POLR3H: variants seen among roughly 807,000 people sequenced by gnomAD.
POLR3H encodes the protein DNA-directed RNA polymerase III subunit RPC8.
Under a neutral mutation model 25.5 loss-of-function variants are expected in POLR3H, and 17 were observed. The ratio of observed to expected loss-of-function variants is 0.67; its 90% confidence interval spans 0.46 to 1.00. The LOEUF is 1.00. Among genes scored for constraint, POLR3H ranks in the 50% least tolerant of loss-of-function variants. The pLI is 0.00. For synonymous variants in POLR3H, 129 were observed against 103.0 expected (o/e 1.25, Z -1.53); for missense variants, 274 against 265.0 (o/e 1.03, Z -0.24).
rs904873544 is a variant in POLR3H at position 41,540,427 on chromosome 22, G to A, written c.208+272C>T. The A allele has an allele frequency of 2.0e-5, 9 of 459,930 alleles. 1 individual carries two copies. Among genetic ancestry groups the A allele is most frequent in the South Asian group, 1.6e-4 (8 of 48,600 alleles). The allele number at this position is 459,930 out of a possible 1,614,324, so 28.5% of individuals were successfully genotyped here. A position where few individuals can be genotyped will look rare whatever the true frequency, so the allele number is the denominator to read the frequency against. On this transcript the variant is annotated intron_variant, in intron 2 of 5. Transcript: ENST00000355209. ...GGTCAATTCCTGGCCGATTCAGGAT[G>A]AGGCCCCACGTCTCCCAGCCTCCAG... is the stretch of plus-strand genomic sequence containing the variant.
At chr22:41,542,433 G>A (rs1305895541) in intron 1 of POLR3H, among the ~76,000 whole-genome samples, 1 of 151,796 alleles carries the variant, frequency 6.6e-6, no homozygotes, top group East Asian at 1.9e-4. Flanking sequence ...CTGCCTTCAG[G>A]GCTCTTCTCT....
In POLR3H at chr22:41,529,117, G is replaced by GC; in HGVS notation, c.*165dup. ...ATCACTGCAGTGAAGGAGGAGCAGG[G>GC]CCTAGATGGTGGAGGAGCGGGGCAA... On this transcript the variant is annotated 3_prime_UTR_variant, in exon 6 of 6. Transcript: ENST00000355209. 1.6e-6 allele frequency: 1 copy of GC among 620,716 alleles called. No individual in the cohort carries two copies. The highest frequency in any genetic ancestry group is 2.8e-6 in the Non-Finnish European group (1 of 350,888). The allele number at this position is 620,716 out of a possible 1,614,324, so 38.5% of individuals were successfully genotyped here. A position where few individuals can be genotyped will look rare whatever the true frequency, so the allele number is the denominator to read the frequency against.
chr22:41,526,603 G>A lies in POLR3H; in HGVS notation c.*2680C>T. On this transcript the variant is annotated 3_prime_UTR_variant, in exon 6 of 6. Coordinates refer to ENST00000355209, the MANE Select transcript of POLR3H (RefSeq NM_001018050.4). The stretch of plus-strand genomic sequence containing the variant: ...CTGTGGAAGGGAGGAGAGGCCTGCA[G>A]CCCCTCCCTGTGGCTGAGAAGGCAT... 1 of 816,218 alleles carries A rather than the reference G, an allele frequency of 1.2e-6. No individual in the cohort carries two copies. The highest frequency in any genetic ancestry group is 1.8e-6 in the Non-Finnish European group (1 of 551,178). 50.6% of individuals were successfully genotyped at this position (816,218 alleles called of 1,614,324 possible).
At chr22:41,530,975 A>G (rs566423436) in intron 4 of POLR3H, 87 bp from the exon 5 acceptor site, 2 of 1,287,874 alleles carry the variant, frequency 1.6e-6, no homozygotes, top group African/African-American at 1.4e-5. Context: ...GGAAAAACCA[A>G]TCTCAGGGTG....
intron 4 of POLR3H, 109 bp from the exon 5 acceptor site, chr22:41,530,997 G>T (rs533566459): frequency 1.9e-6 from 2 of 1,069,460 alleles, no homozygotes; most frequent in Admixed American, 2.0e-5. Context: ...GATCACTGTG[G>T]CTGGGAAGTC....
In POLR3H at chr22:41,527,919, A is replaced by G; in HGVS notation, c.*1364T>C. The G allele has an allele frequency of 6.2e-7, 1 of 1,614,176 alleles. No homozygotes were observed. The highest frequency in any genetic ancestry group is 8.5e-7 in the Non-Finnish European group (1 of 1,180,022). ...TTTCCAGAGACCAACCTGAAGAAAC[A>G]GGGCCTGCTGCCTCTGACCTTCGCT... On this transcript the variant is annotated 3_prime_UTR_variant, in exon 6 of 6. Coordinates refer to ENST00000355209, the MANE Select transcript of POLR3H (RefSeq NM_001018050.4).
intron 2 of POLR3H, among the ~76,000 whole-genome samples, chr22:41,537,108 G>A (rs1268254623): frequency 2.0e-5 from 3 of 152,082 alleles, no homozygotes; most frequent in Non-Finnish European, 2.9e-5. Context: ...TGGGGAACAC[G>A]GGCTGGCACC....
At chr22:41,533,950 C>A (rs2066795535) in intron 2 of POLR3H, among the ~76,000 whole-genome samples, 2 of 152,088 alleles carry the variant, frequency 1.3e-5, no homozygotes, top group Admixed American at 6.5e-5. Context: ...ACCAGCCTGG[C>A]CAACATGATA....
intron 2 of POLR3H, among the ~76,000 whole-genome samples, chr22:41,538,567 G>C (rs2066884216): frequency 6.6e-6 from 1 of 152,080 alleles, no homozygotes; most frequent in Admixed American, 6.6e-5. Flanking sequence ...GCCGCAACTT[G>C]ACTTTTTTCT....
At position 41,544,067 on chromosome 22, in the gene POLR3H, C is replaced by G. The variant is rs1569039726; in HGVS notation, c.35G>C (p.Arg12Pro). 2 of 1,613,704 alleles carry G rather than the reference C, an allele frequency of 1.2e-6. No homozygotes were observed. Among genetic ancestry groups the G allele is most frequent in the Middle Eastern group, 1.6e-4 (1 of 6,062 alleles). ...FVLVEMVDTV[R>P]IPPWQFERKL... ...CCTCTCAAACTGCCAAGGGGGGATC[C>G]GGACGGTGTCCACCATTTCCACCAG... Residue 12 changes from arginine (R) to proline (P), a missense_variant, in exon 1 of 6, where the codon CGG becomes CCG. Coordinates refer to ENST00000355209, the MANE Select transcript of POLR3H (RefSeq NM_001018050.4).
chr22:41,526,523 G>A lies in POLR3H; in HGVS notation c.*2760C>T. 2.0e-6 allele frequency: 3 copies of A among 1,504,024 alleles called. No homozygotes were observed. The highest frequency in any genetic ancestry group is 2.7e-6 in the Non-Finnish European group (3 of 1,115,836). 93.2% of individuals were successfully genotyped at this position (1,504,024 alleles called of 1,614,324 possible). ...GGGGCCTGCAAGGCAGGTGCAGGGAGGACATTAGGGGAGTGGAAACTGGGA... is the reference window on the plus strand; with the variant it reads ...GGGGCCTGCAAGGCAGGTGCAGGGAAGACATTAGGGGAGTGGAAACTGGGA... On this transcript the variant is annotated 3_prime_UTR_variant, in exon 6 of 6. Transcript: ENST00000355209.
At chr22:41,531,845 G>A (rs576875948) in intron 4 of POLR3H, among the ~76,000 whole-genome samples, 5 of 152,344 alleles carry the variant, frequency 3.3e-5, no homozygotes, top group South Asian at 2.1e-4. Flanking sequence ...CTCTAATGGT[G>A]TGCAGTGTAC....
intron 5 of POLR3H, chr22:41,529,763 GTT>G (rs371328828): frequency 3.0e-5 from 12 of 401,170 alleles, no homozygotes; most frequent in East Asian, 7.4e-5. Context: ...TTTTTTTGTT[GTT>G]TTTTTTTTTT....
intron 1 of POLR3H, among the ~76,000 whole-genome samples, chr22:41,542,470 A>G (rs2066944688): frequency 6.6e-6 from 1 of 152,088 alleles, no homozygotes; most frequent in South Asian, 2.1e-4. Context: ...CACCCTAGAA[A>G]GGAATCCTCT....
At chr22:41,542,894 T>C (rs2066950402) in intron 1 of POLR3H, among the ~76,000 whole-genome samples, 1 of 152,040 alleles carries the variant, frequency 6.6e-6, no homozygotes, top group Non-Finnish European at 1.5e-5. Context: ...TCCCAGCTAC[T>C]CAGGAGGCTG....
In POLR3H at chr22:41,529,279, A is replaced by C. The variant is rs1309749677; in HGVS notation, c.*4T>G. The C allele has an allele frequency of 6.2e-7, 1 of 1,612,688 alleles. No homozygotes were observed. Among genetic ancestry groups the C allele is most frequent in the Non-Finnish European group, 8.5e-7 (1 of 1,179,348 alleles). On this transcript the variant is annotated 3_prime_UTR_variant, in exon 6 of 6. Coordinates refer to ENST00000355209, the MANE Select transcript of POLR3H (RefSeq NM_001018050.4). ...CTGGTAGGGTCCACTGTCCAGCCCC[A>C]GGGCTAGTTGCTGGTCCACCAGGAG...
Position 41,543,994 on chromosome 22 carries a change from G to T in POLR3H, c.108C>A (p.Asn36Lys). 3 of 1,611,728 alleles carry T rather than the reference G, an allele frequency of 1.9e-6. No homozygotes were observed. Among genetic ancestry groups the T allele is most frequent in the Non-Finnish European group, 2.5e-6 (3 of 1,177,852 alleles). Residue 36 changes from asparagine to lysine, a missense_variant, in exon 1 of 6, where the codon AAC becomes AAA. Coordinates refer to ENST00000355209, the MANE Select transcript of POLR3H (RefSeq NM_001018050.4). ...IAEELNKKLA[N>K]KVVYNVGLCI... ...CCGCGAGCCGTGGGCCCAGTACCTT[G>T]TTGGCCAACTTCTTGTTCAGCTCCT...
At position 41,526,811 on chromosome 22, in the gene POLR3H, G is replaced by A. The variant is rs766749433; in HGVS notation, c.*2472C>T. ...TGAGCAGGCAGAGAGGGTCTGAGGTGATTGGACTTTTTCTGCTTTGAGAAA... is the reference window on the plus strand; with the variant it reads ...TGAGCAGGCAGAGAGGGTCTGAGGTAATTGGACTTTTTCTGCTTTGAGAAA... On this transcript the variant is annotated 3_prime_UTR_variant, in exon 6 of 6. Coordinates refer to ENST00000355209, the MANE Select transcript of POLR3H (RefSeq NM_001018050.4). 6 of 315,426 alleles carry A rather than the reference G, an allele frequency of 1.9e-5. No individual in the cohort carries two copies. The highest frequency in any genetic ancestry group is 3.5e-5 in the Non-Finnish European group (6 of 169,626). 19.5% of individuals were successfully genotyped at this position (315,426 alleles called of 1,614,324 possible). A position where few individuals can be genotyped will look rare whatever the true frequency, so the allele number is the denominator to read the frequency against.
chr22:41,541,048 G>A (rs73178637), intron 1 of POLR3H, among the ~76,000 whole-genome samples: 31 of 152,168 alleles, frequency 2.0e-4, no homozygotes, highest in Admixed American at 5.9e-4. Flanking sequence ...CTGTGTGACT[G>A]CCAAGAGGGT....
Sources: gnomAD v4.1 joint callset for allele counts (sites outside exome capture counted in the v4.1 genomes callset) on GRCh38, gnomAD v4.1.1 for gene constraint, MANE v1.5 for transcripts, NCBI Gene and HGNC (gene_info 2026-07-23, HGNC 2026-07-21) for gene names.